The following JCAD variants were observed in gnomAD, a reference collection of about 807,000 sequenced individuals.
JCAD encodes junctional cadherin 5 associated.
Under a neutral mutation model 98.0 loss-of-function variants are expected in JCAD, and 40 were observed. That is an observed-to-expected ratio of 0.41 (90% CI 0.32 to 0.53). The LOEUF (loss-of-function observed/expected upper bound fraction) is 0.53, where lower values mean the gene tolerates loss of function less well. JCAD is among the 20% of genes least tolerant of loss of function. The pLI is 0.31. For missense variants in JCAD, 1,705 were observed against 1,738.1 expected, an observed-to-expected ratio of 0.98 and a Z score of 0.34; for synonymous variants, 691 against 682.3, an observed-to-expected ratio of 1.01 and a Z score of -0.20.
chr10:30,070,212 A>T (rs932260098), intron 1 of JCAD, among the ~76,000 whole-genome samples: 1 of 152,248 alleles, frequency 6.6e-6, no homozygotes, highest in Non-Finnish European at 1.5e-5. Context: ...TTGAAAAATA[A>T]CTGTGAAAAT....
intron 1 of JCAD, among the ~76,000 whole-genome samples, chr10:30,084,819 A>G (rs985199734): frequency 4.0e-5 from 6 of 151,158 alleles, no homozygotes; most frequent in African/African-American, 1.5e-4. Flanking sequence ...CTATCTATCT[A>G]TCTATCTATC....
Position 30,045,427 on chromosome 10 carries a change from T to C in JCAD, c.281+2105A>G, listed in dbSNP as rs565177893. Among the ~76,000 whole-genome samples, 260 of 152,264 alleles carry C rather than the reference T, an allele frequency of 1.7e-3. 1 individual carries two copies. The highest frequency in any genetic ancestry group is 2.8e-3 in the Admixed American group (43 of 15,300). On this transcript the variant is annotated intron_variant, in intron 2 of 3. Transcript: ENST00000375377. ...AATAAATTGAGCACATGAGCATGTA[T>C]TAAATAACCATATATGCCCTGTACT...
intron 1 of JCAD, among the ~76,000 whole-genome samples, chr10:30,097,507 T>C (rs980512837): frequency 5.5e-4 from 84 of 152,236 alleles, no homozygotes; most frequent in African/African-American, 1.8e-3. Context: ...CCCAGCACTT[T>C]GAGAGGTTGA....
Position 30,014,819 on chromosome 10 carries a change from C to G in JCAD, c.*3064G>C, listed in dbSNP as rs1323251244. ...GTAAAATGGGGCAGCAAAAGTTCTA[C>G]TTAGAATTTCCACGTGAATGAAACC... On this transcript the variant is annotated 3_prime_UTR_variant, in exon 4 of 4. Transcript: ENST00000375377. 1 of 152,172 alleles carries G rather than the reference C, an allele frequency of 6.6e-6. No homozygotes were observed. The highest frequency in any genetic ancestry group is 1.5e-5 in the Non-Finnish European group (1 of 68,044). 9.4% of individuals were successfully genotyped at this position (152,172 alleles called of 1,614,324 possible).
Position 30,026,774 on chromosome 10 carries a change from T to C in JCAD, c.3374A>G (p.Gln1125Arg). 6.2e-7 allele frequency: 1 copy of C among 1,614,154 alleles called. No individual in the cohort carries two copies. The highest frequency in any genetic ancestry group is 8.5e-7 in the Non-Finnish European group (1 of 1,180,028). Residue 1125 changes from glutamine (Q) to arginine (R), a missense_variant, in exon 3 of 4, where the codon CAG becomes CGG. Gln to Arg is a conservative substitution (Grantham distance 43). Transcript: ENST00000375377. ...DASACTPESPQEELLSRPAPA... is the reference protein window; with the variant it reads ...DASACTPESPREELLSRPAPA... ...TGCTGGGCGAGATAGCAACTCTTCCTGGGGGGACTCTGGGGTGCAGGCACT... is the reference window on the plus strand; with the variant it reads ...TGCTGGGCGAGATAGCAACTCTTCCCGGGGGGACTCTGGGGTGCAGGCACT...
intron 1 of JCAD, among the ~76,000 whole-genome samples, chr10:30,092,090 A>T (rs1407072630): frequency 2.6e-4 from 7 of 27,426 alleles, no homozygotes; most frequent in African/African-American, 9.5e-4. Context: ...TATATATATA[A>T]AGTTACTTTA....
chr10:30,017,847 A>C lies in JCAD; in HGVS notation c.*36T>G. On this transcript the variant is annotated 3_prime_UTR_variant, in exon 4 of 4. Coordinates refer to ENST00000375377, the MANE Select transcript of JCAD (RefSeq NM_020848.4). ...ATCTACCAGCTACTTGAGAATACTC[A>C]ATTCGCAACGGAATGCAAGCTCCAC... 1 of 1,591,194 alleles carries C rather than the reference A, an allele frequency of 6.3e-7. No individual in the cohort carries two copies. The highest frequency in any genetic ancestry group is 8.6e-7 in the Non-Finnish European group (1 of 1,158,922).
intron 2 of JCAD, among the ~76,000 whole-genome samples, chr10:30,037,934 TAA>T (rs57504197): frequency 4.7e-4 from 51 of 109,276 alleles, no homozygotes; most frequent in African/African-American, 1.3e-3. Context: ...ATGGAAAAAT[TAA>T]AAAAAAAAAA....
In JCAD at chr10:30,092,120, AT is replaced by A. The variant is rs1185431700; in HGVS notation, n.129-22300del. ...ACTTTATATATATATATATATATAT[AT>A]ATATAAAAAACATTTTAACTCTTTG... On this transcript the variant is annotated intron_variant and non_coding_transcript_variant, in intron 1 of 2. Coordinates refer to the JCAD transcript ENST00000465712. 2.6e-5 allele frequency among the ~76,000 whole-genome samples: 3 copies of A among 114,748 alleles called. No homozygotes were observed. The East Asian group carries it at 7.3e-4, about 28-fold the overall frequency. The allele number at this position is 114,748 out of a possible 152,430, so 75.3% of individuals were successfully genotyped here.
intron 1 of JCAD, among the ~76,000 whole-genome samples, chr10:30,098,291 T>A (rs1277606339): frequency 6.6e-6 from 1 of 152,268 alleles, no homozygotes; most frequent in Admixed American, 6.5e-5. Flanking sequence ...ACAGGACTTC[T>A]ATCTAGAAGG....
Position 30,027,283 on chromosome 10 carries a change from C to A in JCAD, c.2865G>T (p.Glu955Asp), listed in dbSNP as rs1296190602. 2.5e-6 allele frequency: 4 copies of A among 1,614,060 alleles called. No individual in the cohort carries two copies. Among genetic ancestry groups the A allele is most frequent in the African/African-American group, 1.3e-5 (1 of 74,942 alleles). ...CGTTGCTAACCTCCAGGTGTCTCTTCTCTGCACTCGTGCTTCCATCTGCTG... is the reference window on the plus strand; with the variant it reads ...CGTTGCTAACCTCCAGGTGTCTCTTATCTGCACTCGTGCTTCCATCTGCTG... ...FCSADGSTSAEKRHLEVSNGM... is the reference protein window; with the variant it reads ...FCSADGSTSADKRHLEVSNGM... The change falls in exon 3 of 4, where the codon GAG becomes GAT. Residue 955 changes from glutamate to aspartate, a missense_variant. This residue lies in a region of JCAD where 1,278 missense variants were observed against 1,243.1 expected (regional missense o/e 1.03). Transcript: ENST00000375377.
intron 1 of JCAD, among the ~76,000 whole-genome samples, chr10:30,074,694 G>A (rs1837951979): frequency 6.6e-6 from 1 of 152,216 alleles, no homozygotes; most frequent in South Asian, 2.1e-4. Flanking sequence ...GAGACCATGA[G>A]GCCTGTGTTT....
In JCAD at chr10:30,015,110, C is replaced by T. The variant is rs951712909; in HGVS notation, c.*2773G>A. On this transcript the variant is annotated 3_prime_UTR_variant, in exon 4 of 4. Transcript: ENST00000375377. ...TTGAGCTAAATTACCATCATTTTCC[C>T]TTCTTTTGCAAATCAAGAAATACTA... 2 of 152,288 alleles carry T rather than the reference C, an allele frequency of 1.3e-5. No homozygotes were observed. The highest frequency in any genetic ancestry group is 3.4e-3 in the Middle Eastern group (1 of 294). 9.4% of individuals were successfully genotyped at this position (152,288 alleles called of 1,614,324 possible).
intron 2 of JCAD, among the ~76,000 whole-genome samples, chr10:30,030,247 C>T (rs1836962790): frequency 6.6e-6 from 1 of 152,164 alleles, no homozygotes; most frequent in African/African-American, 2.4e-5. Flanking sequence ...AGTTTGAGAC[C>T]AGCCTGTGCA....
At chr10:30,078,129 T>C (rs1206865523) in intron 1 of JCAD, among the ~76,000 whole-genome samples, 4 of 152,226 alleles carry the variant, frequency 2.6e-5, no homozygotes, top group African/African-American at 9.6e-5. Flanking sequence ...TGGTATCTCA[T>C]TGTAGTTTTT....
intron 1 of JCAD, among the ~76,000 whole-genome samples, chr10:30,053,290 C>T (rs986408562): frequency 6.6e-6 from 1 of 152,122 alleles, no homozygotes; most frequent in African/African-American, 2.4e-5. Context: ...GCCAGGTTCA[C>T]TGGCTCACAC....
At chr10:30,055,779 C>A (rs1173045924) in intron 1 of JCAD, among the ~76,000 whole-genome samples, 1 of 152,290 alleles carries the variant, frequency 6.6e-6, no homozygotes, top group East Asian at 1.9e-4. Context: ...GACCTTGGAA[C>A]ATTAATCTTG....
intron 2 of JCAD, chr10:30,044,677 C>T (rs932271806): frequency 0.014 from 2,665 of 187,710 alleles, 83 homozygotes; most frequent in Admixed American, 0.064. Context: ...GCAGTATTGG[C>T]TTTTTTTTTT....
chr10:30,023,592 T>C (rs749376261), intron 3 of JCAD, among the ~76,000 whole-genome samples: 11 of 152,184 alleles, frequency 7.2e-5, no homozygotes, highest in Admixed American at 1.3e-4. Flanking sequence ...CGCATGACTG[T>C]ACTTGAAAAT....
Sources: gnomAD v4.1 joint callset for allele counts (sites outside exome capture counted in the v4.1 genomes callset) on GRCh38, gnomAD v4.1.1 for gene constraint, gnomAD v4.1.1 regional missense constraint, MANE v1.5 for transcripts, NCBI Gene and HGNC (gene_info 2026-07-23, HGNC 2026-07-21) for gene names.